Variants in LAMA3 observed in about 807,000 individuals in gnomAD.
LAMA3 encodes laminin subunit alpha-3.
LAMA3 carries 281 observed loss-of-function variants against 402.0 expected under a neutral mutation model. The observed-to-expected ratio is 0.70, with a 90% CI of 0.63 to 0.77. The LOEUF is 0.77. Among genes scored for constraint, LAMA3 ranks in the 30% least tolerant of loss-of-function variants. The pLI, the probability that LAMA3 is intolerant of heterozygous loss-of-function variation, is 0.00. For synonymous variants in LAMA3, 1,431 were observed against 1,558.4 expected (o/e 0.92, Z 1.93); for missense variants, 3,840 against 4,215.5 (o/e 0.91, Z 2.47).
chr18:23,773,892 CT>C (rs763325534), intron 9 of LAMA3, among the ~76,000 whole-genome samples: 31 of 152,312 alleles, frequency 2.0e-4, no homozygotes, highest in Admixed American at 6.5e-4. Context: ...TCTCCATTTT[CT>C]GTTGTTTTGA....
chr18:23,863,420 G>A (rs996739140), intron 35 of LAMA3, among the ~76,000 whole-genome samples: 1 of 152,196 alleles, frequency 6.6e-6, no homozygotes, highest in Non-Finnish European at 1.5e-5. Context: ...ACTCCAGCCT[G>A]GGCGACAGAG....
intron 37 of LAMA3, among the ~76,000 whole-genome samples, chr18:23,869,235 C>T (rs1487490366): frequency 2.0e-5 from 3 of 152,156 alleles, no homozygotes; most frequent in African/African-American, 7.2e-5. Flanking sequence ...TATAAAGATG[C>T]AATTTATATG....
intron 2 of LAMA3, among the ~76,000 whole-genome samples, chr18:23,743,460 T>G (rs961546450): frequency 1.7e-4 from 26 of 152,316 alleles, no homozygotes; most frequent in Middle Eastern, 3.4e-3. Flanking sequence ...ACTCATTTAT[T>G]CATTCATAGC....
intron 32 of LAMA3, among the ~76,000 whole-genome samples, chr18:23,856,110 G>T (rs984525921): frequency 3.3e-5 from 5 of 152,172 alleles, no homozygotes; most frequent in African/African-American, 1.2e-4. Flanking sequence ...AAGAAACTTG[G>T]TTGTAAAGTG....
chr18:23,927,993 T>G, intron 62 of LAMA3, 130 bp from the exon 63 acceptor site: 1 of 761,636 alleles, frequency 1.3e-6, no homozygotes, highest in Non-Finnish European at 2.4e-6. Flanking sequence ...GGGAATCCCA[T>G]GGGAAAGGAT....
At chr18:23,870,302 C>CAA (rs112024464) in intron 37 of LAMA3, among the ~76,000 whole-genome samples, 1 of 141,136 alleles carries the variant, frequency 7.1e-6, no homozygotes, top group African/African-American at 2.6e-5. Flanking sequence ...GACTTTGTCT[C>CAA]AAAAAAAAAA....
intron 39 of LAMA3, among the ~76,000 whole-genome samples, chr18:23,880,785 G>A (rs2064870232): frequency 6.6e-6 from 1 of 152,130 alleles, no homozygotes; most frequent in East Asian, 1.9e-4. Context: ...GCTGAGGCAG[G>A]AGAATCACTT....
intron 64 of LAMA3, 85 bp from the exon 65 acceptor site, chr18:23,930,977 T>G: frequency 1.5e-6 from 2 of 1,295,476 alleles, no homozygotes; most frequent in Non-Finnish European, 2.2e-6. Flanking sequence ...GTTTTATACA[T>G]GGTTTGGATG....
intron 36 of LAMA3, among the ~76,000 whole-genome samples, chr18:23,865,766 G>A (rs1266930490): frequency 6.6e-6 from 1 of 152,144 alleles, no homozygotes; most frequent in African/African-American, 2.4e-5. Context: ...CCCTTCCAGG[G>A]GCAGGGACAA....
chr18:23,759,597 G>A (rs1252460954), intron 7 of LAMA3, among the ~76,000 whole-genome samples: 1 of 152,144 alleles, frequency 6.6e-6, no homozygotes, highest in African/African-American at 2.4e-5. Flanking sequence ...AGTAGGGATG[G>A]GGTTTCGCCA....
At chr18:23,877,399 T>C (rs571905099) in intron 39 of LAMA3, among the ~76,000 whole-genome samples, 24 of 152,228 alleles carry the variant, frequency 1.6e-4, no homozygotes, top group African/African-American at 5.1e-4. Flanking sequence ...TTAGAGTTCT[T>C]CTTGGTAACC....
At chr18:23,914,210 T>C (rs1274014803) in intron 56 of LAMA3, among the ~76,000 whole-genome samples, 200 bp from the exon 57 acceptor site, 1 of 152,236 alleles carries the variant, frequency 6.6e-6, no homozygotes, top group Admixed American at 6.5e-5. Flanking sequence ...GAGTGCCCTA[T>C]AACATGAGCA....
At chr18:23,939,139 G>C (rs909461052) in intron 67 of LAMA3, 84 bp from the exon 68 acceptor site, 1 of 1,395,540 alleles carries the variant, frequency 7.2e-7, no homozygotes, top group African/African-American at 1.4e-5. Flanking sequence ...TTAGGATCAA[G>C]GGTGAAAATT....
chr18:23,748,637 A>G (rs1376472374), intron 3 of LAMA3, among the ~76,000 whole-genome samples: 2 of 151,386 alleles, frequency 1.3e-5, no homozygotes, highest in Non-Finnish European at 2.9e-5. Flanking sequence ...TCTACTAAAA[A>G]TACAAAAATA....
At chr18:23,898,708 A>G (rs2080961644) in intron 44 of LAMA3, 30 bp from the exon 45 acceptor site, 1 of 1,182,884 alleles carries the variant, frequency 8.5e-7, no homozygotes, top group Admixed American at 1.7e-5. Context: ...TTATACTGTA[A>G]AGTGACATTC....
chr18:23,908,009 T>C, intron 54 of LAMA3, 74 bp downstream of exon 54: 1 of 1,443,610 alleles, frequency 6.9e-7, no homozygotes, highest in Non-Finnish European at 9.7e-7. Flanking sequence ...ATTTCCATTC[T>C]TCCCTGGTAA....
chr18:23,742,302 G>A (rs1264375070), intron 2 of LAMA3, among the ~76,000 whole-genome samples: 5 of 152,206 alleles, frequency 3.3e-5, no homozygotes, highest in African/African-American at 1.2e-4. Flanking sequence ...GACAAAACAT[G>A]TTGGGGGACT....
intron 29 of LAMA3, among the ~76,000 whole-genome samples, chr18:23,843,005 C>G (rs983316210): frequency 1.3e-5 from 2 of 152,186 alleles, no homozygotes; most frequent in Non-Finnish European, 2.9e-5. Flanking sequence ...CCTCATCTGA[C>G]CAGTCTCTGG....
Position 23,835,859 on chromosome 18 carries a change from T to TA in LAMA3, c.2985-1112dup, listed in dbSNP as rs369503056. ...TTTCTCAAGTGAGTTCTAACGATGT[T>TA]AAAAAAAAAATCCCAGCAGAATAGC... On this transcript the variant is annotated intron_variant, in intron 24 of 74. Coordinates refer to ENST00000313654, the MANE Select transcript of LAMA3 (RefSeq NM_198129.4). 1.7e-3 allele frequency among the ~76,000 whole-genome samples: 249 copies of TA among 149,780 alleles called. 1 individual carries two copies. The highest frequency in any genetic ancestry group is 4.5e-3 in the African/African-American group (182 of 40,880).
Sources: gnomAD v4.1 joint callset for allele counts (sites outside exome capture counted in the v4.1 genomes callset) on GRCh38, gnomAD v4.1.1 for gene constraint, MANE v1.5 for transcripts, NCBI Gene and HGNC (gene_info 2026-07-23, HGNC 2026-07-21) for gene names.